The following ARNT variants were observed in gnomAD, a reference collection of about 807,000 sequenced individuals.
ARNT encodes aryl hydrocarbon receptor nuclear translocator.
A neutral mutation model predicts 105.0 loss-of-function variants in ARNT; 30 were observed. The observed-to-expected ratio is 0.29, with a 90% CI of 0.21 to 0.39. The LOEUF is 0.39. ARNT is among the 10% of genes least tolerant of loss of function. The pLI is 1.00. For missense variants in ARNT, 748 were observed against 978.7 expected, an observed-to-expected ratio of 0.76 and a Z score of 3.15; for synonymous variants, 304 against 344.0, an observed-to-expected ratio of 0.88 and a Z score of 1.29.
chr1:150,833,217 T>C (rs988165592), intron 8 of ARNT, among the ~76,000 whole-genome samples: 7 of 152,176 alleles, frequency 4.6e-5, no homozygotes, highest in South Asian at 2.1e-4. Context: ...CTACTCTAAA[T>C]TACACGCTGG....
intron 6 of ARNT, among the ~76,000 whole-genome samples, chr1:150,838,441 CA>C (rs1303016752): frequency 2.6e-5 from 4 of 152,308 alleles, no homozygotes; most frequent in Admixed American, 2.0e-4. Flanking sequence ...GGTTTGCCCA[CA>C]AAAGGTGCAT....
At chr1:150,824,547 G>A (rs1657797920) in intron 13 of ARNT, among the ~76,000 whole-genome samples, 1 of 150,582 alleles carries the variant, frequency 6.6e-6, no homozygotes, top group South Asian at 2.1e-4. Flanking sequence ...CTCGCCTCCA[G>A]GGTTCAAGTG....
intron 4 of ARNT, among the ~76,000 whole-genome samples, chr1:150,844,036 T>G (rs1661730918): frequency 6.6e-6 from 1 of 152,362 alleles, no homozygotes; most frequent in South Asian, 2.1e-4. Flanking sequence ...AAATCATTCA[T>G]GCGATGTTTT....
intron 6 of ARNT, among the ~76,000 whole-genome samples, chr1:150,837,866 A>C (rs915764419): frequency 6.6e-6 from 1 of 152,138 alleles, no homozygotes; most frequent in African/African-American, 2.4e-5. Flanking sequence ...TCTTAAAAAA[A>C]AAAACCTGCC....
intron 7 of ARNT, among the ~76,000 whole-genome samples, chr1:150,835,505 G>A (rs1660154494): frequency 6.6e-6 from 1 of 152,110 alleles, no homozygotes; most frequent in East Asian, 1.9e-4. Flanking sequence ...GAAGCTGTAA[G>A]CAGGCAGATT....
At chr1:150,834,907 CAA>C (rs1165994743) in intron 7 of ARNT, 2 of 380,124 alleles carry the variant, frequency 5.3e-6, no homozygotes, top group African/African-American at 4.1e-5. Flanking sequence ...TAGTAGAAAA[CAA>C]GAGGCAAGGC....
At chr1:150,824,906 G>C (rs1367886481) in intron 13 of ARNT, among the ~76,000 whole-genome samples, 23 of 152,096 alleles carry the variant, frequency 1.5e-4, no homozygotes, top group Admixed American at 1.4e-3. Flanking sequence ...CTATCGCCCA[G>C]GCTGGAGTGC....
chr1:150,828,350 G>GTTTTTTTTTTTT (rs10531895), intron 12 of ARNT, among the ~76,000 whole-genome samples: 1 of 115,570 alleles, frequency 8.7e-6, no homozygotes, highest in Non-Finnish European at 1.9e-5. Flanking sequence ...TTTTTTTTTT[G>GTTTTTTTTTTTT]TTTTTTTTTT....
chr1:150,827,004 T>C (rs1473083271), intron 12 of ARNT, among the ~76,000 whole-genome samples: 1 of 151,908 alleles, frequency 6.6e-6, no homozygotes, highest in Non-Finnish European at 1.5e-5. Context: ...GGGACCTGGA[T>C]TTTATTTCTT....
chr1:150,830,132 G>A, intron 10 of ARNT, 152 bp from the exon 11 acceptor site: 2 of 765,146 alleles, frequency 2.6e-6, no homozygotes, highest in Non-Finnish European at 2.1e-6. Context: ...GCCAAGGTGG[G>A]CGGATCACTT....
chr1:150,850,596 C>G (rs1433706201), intron 3 of ARNT, among the ~76,000 whole-genome samples: 2 of 152,214 alleles, frequency 1.3e-5, no homozygotes, highest in African/African-American at 4.8e-5. Flanking sequence ...CAATGTTGCC[C>G]AGGCTGGAGT....
intron 21 of ARNT, 115 bp downstream of exon 21, chr1:150,813,057 A>T: frequency 8.4e-7 from 1 of 1,191,706 alleles, no homozygotes; most frequent in Non-Finnish European, 1.2e-6. Flanking sequence ...CTGTCTTCTC[A>T]CATATACCCC....
chr1:150,845,759 G>T lies in ARNT; in HGVS notation c.227+504C>A, dbSNP rs587729941. On this transcript the variant is annotated intron_variant, in intron 4 of 21. Transcript: ENST00000358595. ...TCTACTAAAAATACAAAAATTAGCT[G>T]GGCGTGGTGGCAGGGGCCTATAATC... is the stretch of plus-strand genomic sequence containing the variant. Among the ~76,000 whole-genome samples the T allele has an allele frequency of 2.0e-5, 3 of 151,868 alleles. No homozygotes were observed. The East Asian group carries it at 5.8e-4, about 29-fold the overall frequency.
At chr1:150,843,360 T>A (rs1471803781) in intron 4 of ARNT, among the ~76,000 whole-genome samples, 1 of 152,180 alleles carries the variant, frequency 6.6e-6, no homozygotes, top group Non-Finnish European at 1.5e-5. Flanking sequence ...TTTAAATATA[T>A]TTATATAGAT....
chr1:150,840,449 G>A lies in ARNT; in HGVS notation c.273-795C>T, dbSNP rs180853512. On this transcript the variant is annotated intron_variant, in intron 5 of 21. Coordinates refer to ENST00000358595, the MANE Select transcript of ARNT (RefSeq NM_001668.4). Reference sequence around the variant, plus strand: ...TCCATAGCTGATACAAGAATTGATAGTACAGATTTCCTTGGTCTATAAAAT... The same window carrying A: ...TCCATAGCTGATACAAGAATTGATAATACAGATTTCCTTGGTCTATAAAAT... Among the ~76,000 whole-genome samples, 315 of 152,256 alleles carry A rather than the reference G, an allele frequency of 2.1e-3. 1 individual carries two copies. The highest frequency in any genetic ancestry group is 5.0e-3 in the South Asian group (24 of 4,822).
intron 3 of ARNT, among the ~76,000 whole-genome samples, chr1:150,852,134 A>G (rs1488794844): frequency 6.6e-6 from 1 of 152,230 alleles, no homozygotes; most frequent in Admixed American, 6.5e-5. Flanking sequence ...TGACAGAGTC[A>G]CAGATTAATG....
intron 1 of ARNT, among the ~76,000 whole-genome samples, chr1:150,863,304 C>T (rs587697635): frequency 6.0e-5 from 9 of 150,942 alleles, no homozygotes; most frequent in Non-Finnish European, 4.4e-5. Flanking sequence ...TGCAGTGAGC[C>T]GAGATCATGC....
chr1:150,855,117 T>G (rs1664353889), intron 2 of ARNT, among the ~76,000 whole-genome samples: 1 of 151,988 alleles, frequency 6.6e-6, no homozygotes, highest in Non-Finnish European at 1.5e-5. Context: ...TTTCTAAGAA[T>G]CTAAAGAAAT....
intron 1 of ARNT, among the ~76,000 whole-genome samples, chr1:150,859,513 A>AT (rs914393279): frequency 1.0e-4 from 15 of 146,492 alleles, no homozygotes; most frequent in Non-Finnish European, 2.1e-4. Flanking sequence ...CACCTCGGTG[A>AT]TTTTTTTTTT....
Sources: allele counts gnomAD v4.1 joint callset (sites outside exome capture counted in the v4.1 genomes callset), GRCh38; gene constraint gnomAD v4.1.1; transcripts MANE v1.5; gene names NCBI Gene and HGNC (gene_info 2026-07-23, HGNC 2026-07-21).